HELQ: variants seen among roughly 807,000 people sequenced by gnomAD.
HELQ encodes the protein helicase, POLQ like.
HELQ carries 77 observed loss-of-function variants against 111.6 expected under a neutral mutation model. The observed-to-expected ratio is 0.69, with a 90% CI of 0.57 to 0.83. The LOEUF (loss-of-function observed/expected upper bound fraction) is 0.83. HELQ is among the 40% of genes least tolerant of loss of function. HELQ has a pLI of 0.00. For synonymous variants in HELQ, 438 were observed against 454.7 expected (o/e 0.96, Z 0.47); for missense variants, 1,200 against 1,288.5 (o/e 0.93, Z 1.05).
intron 7 of HELQ, among the ~76,000 whole-genome samples, chr4:83,441,078 C>T (rs997017241): frequency 6.6e-6 from 1 of 152,146 alleles, no homozygotes; most frequent in Admixed American, 6.6e-5. Context: ...CTGTAAAAAC[C>T]CCAACTTCAC....
intron 17 of HELQ, among the ~76,000 whole-genome samples, chr4:83,415,760 G>A (rs572845487): frequency 6.6e-6 from 1 of 152,054 alleles, no homozygotes; most frequent in Non-Finnish European, 1.5e-5. Context: ...AGCTTCCTGA[G>A]TAGCTGGGAT....
At chr4:83,447,498 C>T (rs1002943688) in intron 3 of HELQ, among the ~76,000 whole-genome samples, 9 of 152,118 alleles carry the variant, frequency 5.9e-5, no homozygotes, top group East Asian at 3.9e-4. Context: ...TGTAATGTCT[C>T]GATCTTTGCA....
At position 83,455,582 on chromosome 4, in the gene HELQ, C is replaced by G. The variant is rs1173073642; in HGVS notation, c.112G>C (p.Asp38His). ...ATTTCCTCCTCCTCTTTCCCCTCAT[C>G]TCCGGGCACGAGCTCGGCCGCGGTG... The part of the protein sequence containing the change: ...APTAAELVPG[D>H]EGKEEEEMVA... Residue 38 changes from aspartate (D) to histidine (H), a missense_variant, in exon 1 of 18, where the codon GAT becomes CAT. Physicochemically the swap from Asp to His is moderately conservative, Grantham distance 81 (BLOSUM62 -1). Around this residue, in one of 3 missense-constraint regions of HELQ, gnomAD observed 610 missense variants for 607.1 expected, o/e 1.00. Coordinates refer to ENST00000295488, the MANE Select transcript of HELQ (RefSeq NM_133636.5). The G allele has an allele frequency of 1.2e-6, 2 of 1,614,202 alleles. No individual in the cohort carries two copies. The highest frequency in any genetic ancestry group is 1.3e-5 in the African/African-American group (1 of 75,054).
chr4:83,455,265 A>G, intron 1 of HELQ, 132 bp downstream of exon 1: 2 of 1,504,562 alleles, frequency 1.3e-6, no homozygotes, highest in Non-Finnish European at 1.8e-6. Context: ...AAGGCAATCA[A>G]TACCTCCTAA....
In HELQ at chr4:83,407,410, G is replaced by T; in HGVS notation, c.*43C>A. 8.2e-7 allele frequency: 1 copy of T among 1,222,450 alleles called. No homozygotes were observed. The highest frequency in any genetic ancestry group is 1.2e-6 in the Non-Finnish European group (1 of 854,928). The allele number at this position is 1,222,450 out of a possible 1,614,324, so 75.7% of individuals were successfully genotyped here. ...ATAAGTTATCTTTAATAACACACAT[G>T]TACAATAAATAATTCATATATGAAA... On this transcript the variant is annotated 3_prime_UTR_variant, in exon 18 of 18. Coordinates refer to ENST00000295488, the MANE Select transcript of HELQ (RefSeq NM_133636.5).
chr4:83,452,402 G>A (rs182753363), intron 2 of HELQ, among the ~76,000 whole-genome samples: 106 of 152,328 alleles, frequency 7.0e-4, no homozygotes, highest in Non-Finnish European at 1.1e-3. Flanking sequence ...AAGATGTCTA[G>A]CTTTGGGAAA....
intron 12 of HELQ, 88 bp downstream of exon 12, chr4:83,429,427 GCGTGAGCCA>G: frequency 1.1e-6 from 1 of 899,168 alleles, no homozygotes; most frequent in Non-Finnish European, 1.7e-6. Flanking sequence ...GGGATTACAG[GCGTGAGCCA>G]CTGTGCCCAG....
At chr4:83,408,542 T>A (rs1223402671) in intron 17 of HELQ, among the ~76,000 whole-genome samples, 4 of 151,146 alleles carry the variant, frequency 2.6e-5, no homozygotes, top group Admixed American at 6.6e-5. Flanking sequence ...TGAGCCACCA[T>A]GCCCAGCCTC....
Position 83,426,063 on chromosome 4 carries a change from A to C in HELQ, c.2706T>G (p.Asn902Lys), listed in dbSNP as rs764628605. The C allele has an allele frequency of 6.2e-7, 1 of 1,609,814 alleles. No homozygotes were observed. Residue 902 changes from asparagine (N) to lysine (K), a missense_variant, in exon 14 of 18, where the codon AAT becomes AAG. Asn to Lys is a moderately conservative substitution (Grantham distance 94). This residue lies in a region of HELQ where 585 missense variants were observed against 665.3 expected (regional missense o/e 0.88). Coordinates refer to ENST00000295488, the MANE Select transcript of HELQ (RefSeq NM_133636.5). Reference sequence around the variant, plus strand: ...CAGAGACTCCAAGAATGGCAGCTACATTTTGTTCTGCTGGACTGAGTTGGC... The same window carrying C: ...CAGAGACTCCAAGAATGGCAGCTACCTTTTGTTCTGCTGGACTGAGTTGGC... ...QFSQLSPAEQ[N>K]VAAILGVSES...
chr4:83,422,283 A>T (rs1719564539), intron 14 of HELQ, among the ~76,000 whole-genome samples: 2 of 152,216 alleles, frequency 1.3e-5, no homozygotes, highest in Admixed American at 1.3e-4. Flanking sequence ...AATCTAAATT[A>T]AACTTCCTTC....
chr4:83,453,626 A>C lies in HELQ; in HGVS notation c.617T>G (p.Leu206Trp). 1 of 1,613,280 alleles carries C rather than the reference A, an allele frequency of 6.2e-7. No individual in the cohort carries two copies. The highest frequency in any genetic ancestry group is 1.1e-5 in the South Asian group (1 of 91,068). ...ACCCAAATCATTTGAAGAGTTCTGC[A>C]AATTTTCAAAGTATATAGCCTGTGA... ...PSSQAIYFEN[L>W]QNSSNDLGDH... Residue 206 changes from leucine (L) to tryptophan (W), a missense_variant, in exon 2 of 18, where the codon TTG (leucine) becomes TGG (tryptophan). Physicochemically the swap from Leu to Trp is moderately conservative, Grantham distance 61. Around this residue, in one of 3 missense-constraint regions of HELQ, gnomAD observed 610 missense variants for 607.1 expected, o/e 1.00. Transcript: ENST00000295488.
At chr4:83,439,092 G>T (rs527529967) in intron 8 of HELQ, among the ~76,000 whole-genome samples, 13 of 151,472 alleles carry the variant, frequency 8.6e-5, no homozygotes, top group African/African-American at 2.9e-4. Context: ...TTTTGAGACT[G>T]AGTCTCCCTC....
At chr4:83,410,560 T>G (rs907937572) in intron 17 of HELQ, among the ~76,000 whole-genome samples, 1 of 152,122 alleles carries the variant, frequency 6.6e-6, no homozygotes, top group Non-Finnish European at 1.5e-5. Context: ...TTCTCATTAT[T>G]GGAGAAAGGA....
At chr4:83,451,995 A>T (rs1047473453) in intron 2 of HELQ, among the ~76,000 whole-genome samples, 1 of 152,228 alleles carries the variant, frequency 6.6e-6, no homozygotes, top group African/African-American at 2.4e-5. Flanking sequence ...AAAACTTACG[A>T]AGTGGAAGGT....
rs1194906524 is a variant in HELQ at position 83,455,609 on chromosome 4, G to T, written c.85C>A (p.Pro29Thr). Residue 29 changes from proline to threonine, a missense_variant, in exon 1 of 18, where the codon CCC becomes ACC. By Grantham distance (38) the Pro-to-Thr change is conservative (BLOSUM62 -1). Coordinates refer to ENST00000295488, the MANE Select transcript of HELQ (RefSeq NM_133636.5). ...CCGGGCACGAGCTCGGCCGCGGTGG[G>T]AGCGCCAAAAATACACCCCAAGCTT... ...RPSLGCIFGA[P>T]TAAELVPGDE... 2 of 1,613,794 alleles carry T rather than the reference G, an allele frequency of 1.2e-6. No homozygotes were observed. Among genetic ancestry groups the T allele is most frequent in the Non-Finnish European group, 1.7e-6 (2 of 1,179,972 alleles).
At chr4:83,426,235 A>C in intron 13 of HELQ, 143 bp from the exon 14 acceptor site, 1 of 587,290 alleles carries the variant, frequency 1.7e-6, no homozygotes, top group Non-Finnish European at 3.0e-6. Context: ...GCAGGTTTTA[A>C]AGTTACATCA....
intron 12 of HELQ, among the ~76,000 whole-genome samples, chr4:83,428,460 C>A (rs1719962110): frequency 6.6e-6 from 1 of 152,074 alleles, no homozygotes; most frequent in Non-Finnish European, 1.5e-5. Context: ...ACTTGCGGGG[C>A]TGAGGTGGGA....
At chr4:83,413,190 C>T (rs1049120188) in intron 17 of HELQ, among the ~76,000 whole-genome samples, 1 of 152,134 alleles carries the variant, frequency 6.6e-6, no homozygotes, top group African/African-American at 2.4e-5. Context: ...CTTTATTATA[C>T]GCATGTTTTC....
intron 9 of HELQ, among the ~76,000 whole-genome samples, chr4:83,435,380 C>G (rs938385558): frequency 3.3e-5 from 5 of 151,954 alleles, no homozygotes; most frequent in Admixed American, 6.6e-5. Flanking sequence ...CAAAAATGAG[C>G]AACATTGGCC....
Sources: allele counts gnomAD v4.1 joint callset (sites outside exome capture counted in the v4.1 genomes callset), GRCh38; gene constraint gnomAD v4.1.1; regional missense constraint gnomAD v4.1.1; transcripts MANE v1.5; gene names NCBI Gene and HGNC (gene_info 2026-07-23, HGNC 2026-07-21).